AKAP11: variants seen among roughly 807,000 people sequenced by gnomAD.
AKAP11 encodes A-kinase anchoring protein 11, also known as A-kinase anchor protein 11.
In AKAP11, 36 loss-of-function variants were observed where a neutral mutation model predicts 146.1. The observed-to-expected ratio is 0.25, with a 90% CI of 0.19 to 0.33. AKAP11 has a LOEUF of 0.33. Ranked by LOEUF, AKAP11 falls within the 10% of genes least tolerant of loss-of-function variation. The probability of loss-of-function intolerance (pLI) is 1.00; values close to 1 mark genes in which losing one functional copy is unlikely to be tolerated. For synonymous variants in AKAP11, 780 were observed against 786.5 expected (o/e 0.99, Z 0.14); for missense variants, 2,201 against 2,197.0 (o/e 1.00, Z -0.04).
chr13:42,297,298 C>A, intron 6 of AKAP11, 116 bp downstream of exon 6: 3 of 725,860 alleles, frequency 4.1e-6, no homozygotes, highest in East Asian at 3.3e-5. Context: ...AATGGTATCT[C>A]AAGGAAATAT....
intron 3 of AKAP11, among the ~76,000 whole-genome samples, chr13:42,288,977 G>T (rs1042598352): frequency 1.3e-5 from 2 of 152,154 alleles, no homozygotes; most frequent in Admixed American, 6.5e-5. Context: ...GATCAGTGAT[G>T]CTATGATTGA....
chr13:42,280,721 A>G (rs1201097421), intron 1 of AKAP11, among the ~76,000 whole-genome samples: 1 of 152,216 alleles, frequency 6.6e-6, no homozygotes, highest in Non-Finnish European at 1.5e-5. Context: ...CTATTTGGGC[A>G]AGGAGGGATA....
chr13:42,316,794 A>G (rs533011113), intron 11 of AKAP11, among the ~76,000 whole-genome samples: 1 of 152,366 alleles, frequency 6.6e-6, no homozygotes, highest in East Asian at 1.9e-4. Flanking sequence ...GAGTTTGTAC[A>G]TATAAAGAGC....
upstream of AKAP11, among the ~76,000 whole-genome samples, chr13:42,271,505 G>T (rs554848755): frequency 3.3e-5 from 5 of 152,246 alleles, no homozygotes; most frequent in Admixed American, 6.5e-5. Flanking sequence ...CAGAAAGGAT[G>T]AGCCTTCCTT....
intron 4 of AKAP11, among the ~76,000 whole-genome samples, chr13:42,293,109 A>G (rs1284304354): frequency 6.6e-6 from 1 of 152,190 alleles, no homozygotes; most frequent in Non-Finnish European, 1.5e-5. Context: ...TTGTTACCAA[A>G]TACGAGATGT....
intron 9 of AKAP11, among the ~76,000 whole-genome samples, chr13:42,309,871 G>A (rs867422133): frequency 2.6e-5 from 4 of 152,174 alleles, no homozygotes; most frequent in Non-Finnish European, 5.9e-5. Context: ...TGAGGTGTGG[G>A]TAGAGGCTTT....
chr13:42,291,336 C>T (rs550421673), intron 3 of AKAP11, among the ~76,000 whole-genome samples: 9 of 152,192 alleles, frequency 5.9e-5, no homozygotes, highest in South Asian at 2.1e-4. Context: ...AACTGCAACC[C>T]CCACCTCCCA....
At chr13:42,319,002 A>C in intron 12 of AKAP11, 86 bp from the exon 13 acceptor site, 1 of 1,435,758 alleles carries the variant, frequency 7.0e-7, no homozygotes, top group Non-Finnish European at 9.4e-7. Flanking sequence ...CAGGATTCTT[A>C]AGTTTCAGCT....
chr13:42,299,383 A>G lies in AKAP11; in HGVS notation c.637A>G (p.Arg213Gly). 1 of 1,613,426 alleles carries G rather than the reference A, an allele frequency of 6.2e-7. No homozygotes were observed. ...YNDGMNITVL[R>G]SQCDAASQTV... is the part of the protein sequence containing the mutation. ...TATAGGAATGAACATTACTGTGCTA[A>G]GGAGCCAGTGTGATGCTGCTTCCCA... The change falls in exon 8 of 13, where the codon AGG (arginine) becomes GGG (glycine). Residue 213 changes from arginine to glycine, a missense_variant. By Grantham distance (125) the Arg-to-Gly change is moderately radical. Transcript: ENST00000025301.
intron 12 of AKAP11, among the ~76,000 whole-genome samples, chr13:42,318,661 A>G (rs73172227): frequency 3.9e-5 from 6 of 152,296 alleles, no homozygotes; most frequent in Non-Finnish European, 8.8e-5. Context: ...TTCCAGAAAA[A>G]TGCCACACTA....
At chr13:42,317,260 G>A (rs61959446) in intron 11 of AKAP11, among the ~76,000 whole-genome samples, 18,788 of 152,078 alleles carry the variant, frequency 0.12, 1,303 homozygotes, top group South Asian at 0.17. Context: ...TCAAATTATG[G>A]CATTTATAGA....
At chr13:42,276,024 T>C (rs1398194183) in intron 1 of AKAP11, among the ~76,000 whole-genome samples, 1 of 152,182 alleles carries the variant, frequency 6.6e-6, no homozygotes, top group South Asian at 2.1e-4. Flanking sequence ...CTACCTCACC[T>C]ACCTTTCTGA....
At chr13:42,313,853 T>A in intron 10 of AKAP11, 41 bp from the exon 11 acceptor site, 1 of 1,584,738 alleles carries the variant, frequency 6.3e-7, no homozygotes, top group South Asian at 1.1e-5. Flanking sequence ...CATTATTAAT[T>A]AAATTTTTTT....
At position 42,303,681 on chromosome 13, in the gene AKAP11, T is replaced by C. The variant is rs1357513819; in HGVS notation, c.4935T>C (p.Asp1645=). 6.2e-7 allele frequency: 1 copy of C among 1,614,068 alleles called. No individual in the cohort carries two copies. The highest frequency in any genetic ancestry group is 1.3e-5 in the African/African-American group (1 of 74,932). Residue 1645 remains aspartate, a synonymous_variant, in exon 8 of 13, where the codon GAT becomes GAC. Transcript: ENST00000025301. ...TCCCTCAGATTCATGTTAATCTTGA[T>C]AAGAAGGCAGTGCTTGCTGAGAAGA... ...LSVPQIHVNL[D]KKAVLAEKIV...
Position 42,285,986 on chromosome 13 carries a change from ATCTTTC to A in AKAP11, c.-93_-88del, listed in dbSNP as rs1414760724. On this transcript the variant is annotated splice_region_variant and 5_prime_UTR_variant, in exon 2 of 13. Transcript: ENST00000025301. ...GTTTTTTAAAAAACTTGTTTTTCAG[ATCTTTC>A]TCTTTGACACTTTGCAATAAAAAAG... 3 of 155,608 alleles carry A rather than the reference ATCTTTC, an allele frequency of 1.9e-5. No individual in the cohort carries two copies. Among genetic ancestry groups the A allele is most frequent in the East Asian group, 1.8e-4 (1 of 5,446 alleles). The allele number at this position is 155,608 out of a possible 1,614,324, so 9.6% of individuals were successfully genotyped here.
At chr13:42,305,307 T>C (rs1034536777) in intron 8 of AKAP11, among the ~76,000 whole-genome samples, 2 of 152,202 alleles carry the variant, frequency 1.3e-5, no homozygotes, top group Non-Finnish European at 2.9e-5. Context: ...TAGGGAGATA[T>C]AGCTTGGCCA....
At chr13:42,307,839 T>C (rs1960347838) in intron 8 of AKAP11, among the ~76,000 whole-genome samples, 1 of 152,218 alleles carries the variant, frequency 6.6e-6, no homozygotes, top group South Asian at 2.1e-4. Flanking sequence ...TATGGAAACA[T>C]CACTTTGAAC....
intron 9 of AKAP11, among the ~76,000 whole-genome samples, chr13:42,311,383 A>C (rs1960556758): frequency 6.6e-6 from 1 of 152,224 alleles, no homozygotes. Context: ...CTTCCCACTT[A>C]GGATAGTTTG....
At chr13:42,317,827 C>A in intron 12 of AKAP11, 139 bp downstream of exon 12, 1 of 929,002 alleles carries the variant, frequency 1.1e-6, no homozygotes, top group Non-Finnish European at 1.6e-6. Context: ...CAGACATCAG[C>A]TCTGCCACTT....
Sources: gnomAD v4.1 joint callset for allele counts (sites outside exome capture counted in the v4.1 genomes callset) on GRCh38, gnomAD v4.1.1 for gene constraint, MANE v1.5 for transcripts, NCBI Gene and HGNC (gene_info 2026-07-23, HGNC 2026-07-21) for gene names.